The following ADGRL2 variants were observed in gnomAD, a reference collection of about 807,000 sequenced individuals.
The protein encoded by ADGRL2 is calcium-independent alpha-latrotoxin receptor 2.
Under a neutral mutation model 157.4 loss-of-function variants are expected in ADGRL2, and 44 were observed. The ratio of observed to expected loss-of-function variants is 0.28; its 90% CI spans 0.22 to 0.36. The LOEUF (loss-of-function observed/expected upper bound fraction) is 0.36. Among genes scored for constraint, ADGRL2 ranks in the 10% least tolerant of loss-of-function variants. ADGRL2 has a pLI of 1.00. For missense variants in ADGRL2, 1,510 were observed against 1,768.9 expected (o/e 0.85, Z 2.63); for synonymous variants, 585 against 624.7 (o/e 0.94, Z 0.95).
chr1:81,498,024 G>A (rs2078766515), intron 2 of ADGRL2, among the ~76,000 whole-genome samples: 5 of 152,194 alleles, frequency 3.3e-5, no homozygotes, highest in Middle Eastern at 3.4e-3. Flanking sequence ...GGCTAACATG[G>A]TGAAACCTCG....
At chr1:81,329,712 G>A (rs1661145131) in intron 1 of ADGRL2, among the ~76,000 whole-genome samples, 1 of 152,074 alleles carries the variant, frequency 6.6e-6, no homozygotes, top group Non-Finnish European at 1.5e-5. Flanking sequence ...TTTTTTAGAT[G>A]CCAATTTATT....
At position 81,936,802 on chromosome 1, in the gene ADGRL2, A is replaced by G; in HGVS notation, c.362A>G (p.Lys121Arg). The change falls in exon 4 of 24, where the codon AAA becomes AGA. Residue 121 changes from lysine to arginine, a missense_variant. Physicochemically the swap from Lys to Arg is conservative, Grantham distance 26. This residue lies in a region of ADGRL2 where 361 missense variants were observed against 498.4 expected (regional missense o/e 0.72). Coordinates refer to ENST00000686636, the MANE Select transcript of ADGRL2 (RefSeq NM_001366006.2). ...CCTGATCCATGTCCTGGAACATACA[A>G]ATACCTTGAAGTCCAATATGAATGT... ...VFPDPCPGTY[K>R]YLEVQYECVP... The G allele has an allele frequency of 6.2e-7, 1 of 1,610,892 alleles. No individual in the cohort carries two copies. Among genetic ancestry groups the G allele is most frequent in the Non-Finnish European group, 8.5e-7 (1 of 1,177,370 alleles).
intron 1 of ADGRL2, among the ~76,000 whole-genome samples, chr1:81,395,841 C>T (rs933050799): frequency 6.6e-6 from 1 of 152,136 alleles, no homozygotes; most frequent in African/African-American, 2.4e-5. Flanking sequence ...TGTCAAAAAT[C>T]AGTTAGCCGT....
chr1:81,603,397 C>T (rs2081372729), intron 3 of ADGRL2, among the ~76,000 whole-genome samples: 2 of 152,092 alleles, frequency 1.3e-5, no homozygotes, highest in African/African-American at 4.8e-5. Context: ...ACATGCACTA[C>T]AACACATAAT....
intron 3 of ADGRL2, among the ~76,000 whole-genome samples, chr1:81,913,677 A>G (rs1333306870): frequency 6.6e-6 from 1 of 152,110 alleles, no homozygotes; most frequent in Non-Finnish European, 1.5e-5. Flanking sequence ...TAATTGGTAC[A>G]CTTAGTTCAC....
At chr1:81,352,806 G>A (rs1315569416) in intron 1 of ADGRL2, among the ~76,000 whole-genome samples, 1 of 152,076 alleles carries the variant, frequency 6.6e-6, no homozygotes, top group Non-Finnish European at 1.5e-5. Context: ...CAGTAGCAAT[G>A]GAATCAAAGG....
intron 18 of ADGRL2, chr1:81,980,805 G>A: frequency 5.6e-6 from 4 of 711,918 alleles, no homozygotes; most frequent in Non-Finnish European, 2.7e-6. Flanking sequence ...TAATTACCGT[G>A]TTTGTGATGG....
intron 2 of ADGRL2, among the ~76,000 whole-genome samples, chr1:81,504,381 G>C (rs2078923158): frequency 6.6e-6 from 1 of 152,084 alleles, no homozygotes; most frequent in Non-Finnish European, 1.5e-5. Context: ...ATCCCCACAC[G>C]TGCCGATGTC....
chr1:81,601,144 C>CA (rs900984874), intron 3 of ADGRL2, among the ~76,000 whole-genome samples: 7 of 151,838 alleles, frequency 4.6e-5, no homozygotes, highest in African/African-American at 7.2e-5. Context: ...CATTGAAGAC[C>CA]AAAAAAAATA....
chr1:81,806,861 A>G (rs963060296), intron 1 of ADGRL2, among the ~76,000 whole-genome samples: 1 of 152,030 alleles, frequency 6.6e-6, no homozygotes, highest in African/African-American at 2.4e-5. Flanking sequence ...GTTTCACATA[A>G]GGTGCTATTT....
At chr1:81,491,510 T>C (rs553198547) in intron 2 of ADGRL2, among the ~76,000 whole-genome samples, 27 of 152,104 alleles carry the variant, frequency 1.8e-4, no homozygotes, top group African/African-American at 6.0e-4. Flanking sequence ...AATTCTAGAA[T>C]ATGAAGCAAA....
intron 1 of ADGRL2, among the ~76,000 whole-genome samples, chr1:81,390,406 A>T (rs2076518339): frequency 6.6e-6 from 1 of 152,422 alleles, no homozygotes. Context: ...ACCAAATATT[A>T]GCCATTGGTA....
intron 2 of ADGRL2, among the ~76,000 whole-genome samples, chr1:81,570,943 C>G (rs1199291592): frequency 4.6e-5 from 7 of 152,134 alleles, no homozygotes; most frequent in Non-Finnish European, 1.5e-5. Context: ...AACTACCTAA[C>G]TCTGCTGTTG....
At chr1:81,324,305 A>G (rs1327448317) in intron 1 of ADGRL2, among the ~76,000 whole-genome samples, 1 of 151,514 alleles carries the variant, frequency 6.6e-6, no homozygotes, top group African/African-American at 2.4e-5. Context: ...GGAGTTCAAG[A>G]GCAGCCCAGG....
chr1:81,728,753 C>T (rs1045829792), intron 1 of ADGRL2, among the ~76,000 whole-genome samples: 1 of 152,150 alleles, frequency 6.6e-6, no homozygotes, highest in Non-Finnish European at 1.5e-5. Context: ...CTCTCTTTTA[C>T]TCCTCTCTCT....
At chr1:81,564,184 T>G (rs1453219064) in intron 2 of ADGRL2, among the ~76,000 whole-genome samples, 1 of 152,070 alleles carries the variant, frequency 6.6e-6, no homozygotes, top group Non-Finnish European at 1.5e-5. Flanking sequence ...ACATAGAGGG[T>G]AGATGAAAGG....
At position 81,981,852 on chromosome 1, in the gene ADGRL2, T is replaced by C. The variant is rs1476941074; in HGVS notation, c.3158T>C (p.Leu1053Pro). The C allele has an allele frequency of 1.2e-6, 2 of 1,612,296 alleles. No individual in the cohort carries two copies. Among genetic ancestry groups the C allele is most frequent in the Admixed American group, 3.3e-5 (2 of 59,870 alleles). Residue 1053 changes from leucine to proline, a missense_variant, in exon 19 of 24, where the codon CTC (leucine) becomes CCC (proline). Leu to Pro is a moderately conservative substitution (Grantham distance 98, BLOSUM62 -3). This residue lies in a region of ADGRL2 where 497 missense variants were observed against 627.2 expected (regional missense o/e 0.79). Coordinates refer to ENST00000686636, the MANE Select transcript of ADGRL2 (RefSeq NM_001366006.2). Reference protein sequence around the residue: ...GAFALLCLLGLTWSFGLLFIN... With the variant: ...GAFALLCLLGPTWSFGLLFIN... ...TTCGCTCTTCTGTGTCTTCTTGGCC[T>C]CACCTGGTCCTTTGGGTTGCTTTTT...
intron 1 of ADGRL2, among the ~76,000 whole-genome samples, chr1:81,718,124 A>T (rs2084176871): frequency 6.6e-6 from 1 of 152,082 alleles, no homozygotes; most frequent in Admixed American, 6.6e-5. Flanking sequence ...GGTTCAAGTG[A>T]TTCTCCTGCC....
intron 1 of ADGRL2, among the ~76,000 whole-genome samples, chr1:81,410,088 T>C (rs1023514048): frequency 3.9e-5 from 6 of 152,212 alleles, no homozygotes; most frequent in African/African-American, 1.4e-4. Flanking sequence ...ACGTGATCTT[T>C]ACATGAAAGT....
Sources: gnomAD v4.1 joint callset for allele counts (sites outside exome capture counted in the v4.1 genomes callset) on GRCh38, gnomAD v4.1.1 for gene constraint, gnomAD v4.1.1 regional missense constraint, MANE v1.5 for transcripts, NCBI Gene and HGNC (gene_info 2026-07-23, HGNC 2026-07-21) for gene names.